TBC1D31: variants seen among roughly 807,000 people sequenced by gnomAD.
The protein encoded by TBC1D31 is WD repeat domain 67.
Under a neutral mutation model 132.9 loss-of-function variants are expected in TBC1D31, and 99 were observed. The observed-to-expected ratio is 0.74, with a 90% CI of 0.63 to 0.88. The LOEUF is 0.88. Among genes scored for constraint, TBC1D31 ranks in the 40% least tolerant of loss-of-function variants. The pLI, the probability that TBC1D31 is intolerant of heterozygous loss-of-function variation, is 0.00. For missense variants in TBC1D31, 1,134 were observed against 1,256.6 expected (o/e 0.90, Z 1.48); for synonymous variants, 385 against 419.4 (o/e 0.92, Z 1.00).
intron 16 of TBC1D31, among the ~76,000 whole-genome samples, chr8:123,133,659 G>A (rs1267457281): frequency 6.6e-6 from 1 of 152,192 alleles, no homozygotes; most frequent in East Asian, 1.9e-4. Flanking sequence ...TTCACTTGGA[G>A]CAGAACACAT....
chr8:123,131,363 C>CAAA (rs59929988), intron 16 of TBC1D31, among the ~76,000 whole-genome samples: 4,991 of 64,886 alleles, frequency 0.077, 221 homozygotes, highest in Non-Finnish European at 0.11. Context: ...GACTCAGTCT[C>CAAA]AAAAAAAAAA....
At chr8:123,117,493 G>T (rs538644922) in intron 10 of TBC1D31, among the ~76,000 whole-genome samples, 1 of 151,276 alleles carries the variant, frequency 6.6e-6, no homozygotes, top group African/African-American at 2.4e-5. Context: ...GGTGGCTCAC[G>T]CCTGTAATCC....
chr8:123,147,368 T>G (rs1442845315), intron 20 of TBC1D31, among the ~76,000 whole-genome samples: 1 of 152,128 alleles, frequency 6.6e-6, no homozygotes, highest in East Asian at 1.9e-4. Context: ...AGACGGGGTT[T>G]CACCATGTTG....
the TBC1D31 span, among the ~76,000 whole-genome samples, chr8:123,162,152 G>A: frequency 6.6e-6 from 1 of 151,118 alleles, no homozygotes; most frequent in African/African-American, 2.4e-5. Flanking sequence ...CTGCCTCCTT[G>A]AACTCATTTC....
At chr8:123,079,046 T>G (rs1814849055) in intron 2 of TBC1D31, among the ~76,000 whole-genome samples, 1 of 152,176 alleles carries the variant, frequency 6.6e-6, no homozygotes, top group African/African-American at 2.4e-5. Context: ...ATAACCTGAA[T>G]CTAATCAGTG....
the TBC1D31 span, among the ~76,000 whole-genome samples, chr8:123,159,140 C>T: frequency 2.6e-5 from 4 of 152,082 alleles, no homozygotes; most frequent in South Asian, 8.3e-4. Context: ...AGATTAAATC[C>T]CAACGGTCCT....
the TBC1D31 span, among the ~76,000 whole-genome samples, chr8:123,158,878 G>A: frequency 2.0e-5 from 3 of 152,066 alleles, no homozygotes; most frequent in African/African-American, 2.4e-5. Flanking sequence ...AGGCTGCCGG[G>A]ACCCCAGACC....
chr8:123,133,831 G>A (rs1820836041), intron 16 of TBC1D31, among the ~76,000 whole-genome samples: 1 of 152,116 alleles, frequency 6.6e-6, no homozygotes, highest in African/African-American at 2.4e-5. Context: ...CATGATATTG[G>A]TTACTGTAAT....
At chr8:123,133,789 C>T (rs1304404873) in intron 16 of TBC1D31, among the ~76,000 whole-genome samples, 2 of 152,082 alleles carry the variant, frequency 1.3e-5, no homozygotes, top group South Asian at 2.1e-4. Context: ...TTTTATCTAC[C>T]CCAGATTTAA....
At chr8:123,147,276 A>G (rs745562703) in intron 20 of TBC1D31, among the ~76,000 whole-genome samples, 66 of 151,982 alleles carry the variant, frequency 4.3e-4, no homozygotes, top group Admixed American at 8.5e-4. Context: ...GGGTTCAAGC[A>G]ATTCTCCTGC....
At chr8:123,155,144 G>T (rs968870397), downstream of TBC1D31, among the ~76,000 whole-genome samples, 1 of 152,124 alleles carries the variant, frequency 6.6e-6, no homozygotes, top group African/African-American at 2.4e-5. This position sits in a 1 kb window ranked among gnomAD's most constrained non-coding sequence, Gnocchi z 4.1. Flanking sequence ...TGTGGATGCA[G>T]GTATCCAAAG....
rs1814619164 is a variant in TBC1D31 at position 123,077,214 on chromosome 8, G to A, written c.181G>A (p.Asp61Asn). 6.2e-7 allele frequency: 1 copy of A among 1,612,330 alleles called. No homozygotes were observed. Among genetic ancestry groups the A allele is most frequent in the Non-Finnish European group, 8.5e-7 (1 of 1,179,484 alleles). Reference sequence around the variant, plus strand: ...CACAGGCGACTGCTTAATTGCTGGGGACCACCAAGGAAATATTTATGTTTT... The same window carrying A: ...CACAGGCGACTGCTTAATTGCTGGGAACCACCAAGGAAATATTTATGTTTT... ...DGTGDCLIAG[D>N]HQGNIYVFDL... Residue 61 changes from aspartate (D) to asparagine (N), a missense_variant, in exon 2 of 22, where the codon GAC (aspartate) becomes AAC (asparagine). Coordinates refer to ENST00000287380, the MANE Select transcript of TBC1D31 (RefSeq NM_145647.4).
At chr8:123,082,623 C>G in intron 2 of TBC1D31, 79 bp from the exon 3 acceptor site, 1 of 994,806 alleles carries the variant, frequency 1.0e-6, no homozygotes, top group Non-Finnish European at 1.5e-6. Context: ...TCATTTTCTT[C>G]GTCTCTACGG....
In TBC1D31 at chr8:123,120,268, T is replaced by C. The variant is rs75570406; in HGVS notation, c.1570+80T>C. 1.5e-3 allele frequency: 1,761 copies of C among 1,188,050 alleles called. 19 individuals carry two copies. In the African/African-American group the frequency reaches 0.024, roughly 16 times the overall value. The allele number at this position is 1,188,050 out of a possible 1,614,324, so 73.6% of individuals were successfully genotyped here. A position where few individuals can be genotyped will look rare whatever the true frequency, so the allele number is the denominator to read the frequency against. The stretch of plus-strand genomic sequence containing the variant: ...CTGATGTCTTTGCACCTTTGCAACA[T>C]TTAACAATTCTAGATGTCTCTACTT... On this transcript the variant is annotated intron_variant, in intron 11 of 21. Transcript: ENST00000287380.
At position 123,130,189 on chromosome 8, in the gene TBC1D31, G is replaced by C. The variant is rs182463278; in HGVS notation, c.2271-9G>C. 1.2e-6 allele frequency: 2 copies of C among 1,602,228 alleles called. No individual in the cohort carries two copies. The highest frequency in any genetic ancestry group is 2.3e-5 in the South Asian group (2 of 88,320). On this transcript the variant is annotated splice_polypyrimidine_tract_variant and intron_variant, in intron 15 of 21. Coordinates refer to ENST00000287380, the MANE Select transcript of TBC1D31 (RefSeq NM_145647.4). ...GTATTTGTTCCACTTGATGTATTTT[G>C]TATTTAAGGCTAGCTGCTGTGAAAA...
intron 19 of TBC1D31, among the ~76,000 whole-genome samples, chr8:123,142,659 CAG>C (rs1207040778): frequency 6.6e-6 from 1 of 152,008 alleles, no homozygotes; most frequent in Non-Finnish European, 1.5e-5. Context: ...TGAAATAGTA[CAG>C]AGTCAAATGA....
At chr8:123,153,687 A>AT (rs1477090727), downstream of TBC1D31, among the ~76,000 whole-genome samples, 6 of 152,244 alleles carry the variant, frequency 3.9e-5, no homozygotes, top group African/African-American at 1.4e-4. Flanking sequence ...GCTTCTTGAC[A>AT]TTATATCTTC....
Position 123,097,301 on chromosome 8 carries a change from G to C in TBC1D31, c.691G>C (p.Ala231Pro). Reference sequence around the variant, plus strand: ...ATATAGAGATGGCCGAATCCTGGCTGCTGGAGGCAAGTCAAATCATCTTCA... The same window carrying C: ...ATATAGAGATGGCCGAATCCTGGCTCCTGGAGGCAAGTCAAATCATCTTCA... Reference protein sequence around the residue: ...AVTRDGRILAAGGKSNHLHLW... With the variant: ...AVTRDGRILAPGGKSNHLHLW... Residue 231 changes from alanine (A) to proline (P), a missense_variant, in exon 6 of 22, where the codon GCT (alanine) becomes CCT (proline). Ala to Pro is a conservative substitution (Grantham distance 27). Transcript: ENST00000287380. The C allele has an allele frequency of 6.2e-7, 1 of 1,614,122 alleles. No homozygotes were observed. Among genetic ancestry groups the C allele is most frequent in the African/African-American group, 1.3e-5 (1 of 75,034 alleles).
the TBC1D31 span, among the ~76,000 whole-genome samples, chr8:123,163,450 C>T: frequency 2.0e-5 from 3 of 150,098 alleles, no homozygotes; most frequent in South Asian, 2.1e-4. Context: ...CTGCAACCTC[C>T]ACCTCCCCAG....
Sources: allele counts gnomAD v4.1 joint callset (sites outside exome capture counted in the v4.1 genomes callset), GRCh38; gene constraint gnomAD v4.1.1; non-coding constraint Gnocchi (gnomAD v3.1); transcripts MANE v1.5; gene names NCBI Gene and HGNC (gene_info 2026-07-23, HGNC 2026-07-21).